WNT5A: variants seen among roughly 807,000 people sequenced by gnomAD.
WNT5A encodes the protein protein Wnt-5a.
In WNT5A, 9 loss-of-function variants were observed where a neutral mutation model predicts 42.1. That is an observed-to-expected ratio of 0.21 (90% CI 0.13 to 0.37). The LOEUF is 0.37. WNT5A is among the 10% of genes least tolerant of loss of function. The probability of loss-of-function intolerance (pLI) is 1.00; values close to 1 mark genes in which losing one functional copy is unlikely to be tolerated. For missense variants in WNT5A, 426 were observed against 534.0 expected, an observed-to-expected ratio of 0.80 and a Z score of 1.99; for synonymous variants, 210 against 210.0, an observed-to-expected ratio of 1.00 and a Z score of 0.00.
the WNT5A span, among the ~76,000 whole-genome samples, chr3:55,496,840 G>A: frequency 1.3e-5 from 2 of 152,220 alleles, no homozygotes; most frequent in Admixed American, 1.3e-4. Flanking sequence ...TAGAGAGTCA[G>A]TTTATTGGGA....
the WNT5A span, among the ~76,000 whole-genome samples, chr3:55,504,882 A>G: frequency 2.0e-5 from 3 of 152,246 alleles, no homozygotes; most frequent in Non-Finnish European, 4.4e-5. Flanking sequence ...TTCCAGGTCA[A>G]GAATCCCAAC....
rs374660823 is a variant in WNT5A at position 55,469,308 on chromosome 3, C to A, written c.*784G>T. The A allele has an allele frequency of 6.6e-5, 10 of 152,262 alleles. No individual in the cohort carries two copies. In the East Asian group the frequency reaches 1.7e-3, roughly 26 times the overall value. 9.4% of individuals were successfully genotyped at this position (152,262 alleles called of 1,614,324 possible). A position where few individuals can be genotyped will look rare whatever the true frequency, so the allele number is the denominator to read the frequency against. On this transcript the variant is annotated 3_prime_UTR_variant, in exon 5 of 5. Coordinates refer to ENST00000264634, the MANE Select transcript of WNT5A (RefSeq NM_003392.7). The stretch of plus-strand genomic sequence containing the variant: ...CTAGTGTCCAGAATCATTTGGGGAT[C>A]TTTTTACAATCTGGAATCCTAATTC...
rs999204820 is a variant in WNT5A at position 55,474,222 on chromosome 3, C to A, written c.684+115G>T. The A allele has an allele frequency of 3.8e-6, 5 of 1,309,962 alleles. No homozygotes were observed. In the African/African-American group the frequency reaches 4.4e-5, roughly 11 times the overall value. The allele number at this position is 1,309,962 out of a possible 1,614,324, so 81.1% of individuals were successfully genotyped here. ...AGAAGCAGAGAGATAGAGACAGGAC[C>A]ATATAGCAAAGGAGTGGCAGAGGAG... On this transcript the variant is annotated intron_variant, in intron 4 of 4. Transcript: ENST00000264634.
intron 1 of WNT5A, among the ~76,000 whole-genome samples, chr3:55,482,298 T>G (rs998480813): frequency 4.6e-5 from 7 of 152,124 alleles, no homozygotes; most frequent in African/African-American, 1.7e-4. Flanking sequence ...TGGTGACTTC[T>G]CCACCTGTAG....
At chr3:55,492,248 G>T (rs1162733024), upstream of WNT5A, among the ~76,000 whole-genome samples, 2 of 151,824 alleles carry the variant, frequency 1.3e-5, no homozygotes, top group African/African-American at 4.8e-5. Flanking sequence ...GGCACTAAAT[G>T]GATGCTTTAA....
the WNT5A span, among the ~76,000 whole-genome samples, chr3:55,497,857 G>T: frequency 6.6e-6 from 1 of 152,140 alleles, no homozygotes; most frequent in African/African-American, 2.4e-5. Flanking sequence ...TGGGAAGGAT[G>T]GAAGAAAAGG....
rs2051214465 is a variant in WNT5A, at chr3:55,469,977, G to C, written c.*115C>G. 3 of 1,273,148 alleles carry C rather than the reference G, an allele frequency of 2.4e-6. No individual in the cohort carries two copies. The highest frequency in any genetic ancestry group is 2.1e-5 in the Admixed American group (1 of 48,686). 78.9% of individuals were successfully genotyped at this position (1,273,148 alleles called of 1,614,324 possible). A position where few individuals can be genotyped will look rare whatever the true frequency, so the allele number is the denominator to read the frequency against. ...GGTAACAGGAAAAAAAATGGTTCCG[G>C]TTGCAATTCTTGGGGAAAAATAAAA... On this transcript the variant is annotated 3_prime_UTR_variant, in exon 5 of 5. Transcript: ENST00000264634.
At chr3:55,495,272 A>G (rs955747307), upstream of WNT5A, among the ~76,000 whole-genome samples, 1 of 152,206 alleles carries the variant, frequency 6.6e-6, no homozygotes, top group African/African-American at 2.4e-5. Flanking sequence ...ATATTATACA[A>G]TAGATCTTTT....
At chr3:55,474,207 A>C in intron 4 of WNT5A, 130 bp downstream of exon 4, 2 of 1,116,122 alleles carry the variant, frequency 1.8e-6, no homozygotes, top group Non-Finnish European at 2.6e-6. Context: ...AGAAGCAGAG[A>C]GATAGAGACA....
Position 55,470,248 on chromosome 3 carries a change from C to T in WNT5A, c.987G>A (p.Ser329=), listed in dbSNP as rs1270738539. 1.9e-6 allele frequency: 3 copies of T among 1,614,106 alleles called. No individual in the cohort carries two copies. Among genetic ancestry groups the T allele is most frequent in the East Asian group, 2.2e-5 (1 of 44,890 alleles). Residue 329 remains serine, a synonymous_variant, in exon 5 of 5, where the codon TCG becomes TCA. Coordinates refer to ENST00000264634, the MANE Select transcript of WNT5A (RefSeq NM_003392.7). The part of the protein sequence containing the change: ...GTQGRLCNKT[S]EGMDGCELMC... ...TGAGCTCGCAGCCATCCATGCCCTC[C>T]GACGTCTTGTTGCACAGGCGGCCCT...
rs2051213438 is a variant in WNT5A at position 55,469,930 on chromosome 3, A to T, written c.*162T>A. On this transcript the variant is annotated 3_prime_UTR_variant, in exon 5 of 5. Transcript: ENST00000264634. ...CCAAATAATAATTATAATATTAATAATAAACCACAGAGTTCTTAGATGGTA... is the reference window on the plus strand; with the variant it reads ...CCAAATAATAATTATAATATTAATATTAAACCACAGAGTTCTTAGATGGTA... 3.0e-6 allele frequency: 2 copies of T among 675,674 alleles called. No individual in the cohort carries two copies. Among genetic ancestry groups the T allele is most frequent in the Non-Finnish European group, 4.9e-6 (2 of 409,162 alleles). The allele number at this position is 675,674 out of a possible 1,614,324, so 41.9% of individuals were successfully genotyped here.
chr3:55,494,212 T>C (rs2051691441), upstream of WNT5A, among the ~76,000 whole-genome samples: 1 of 152,250 alleles, frequency 6.6e-6, no homozygotes, highest in Admixed American at 6.5e-5. Context: ...GTCAATATTA[T>C]ATGTCTAAAT....
chr3:55,478,714 A>G (rs1022814687), intron 3 of WNT5A, among the ~76,000 whole-genome samples: 2 of 152,158 alleles, frequency 1.3e-5, no homozygotes, highest in Admixed American at 6.5e-5. Context: ...CATCCCAAGC[A>G]TGTGCTTTTA....
chr3:55,501,201 C>T, the WNT5A span, among the ~76,000 whole-genome samples: 1 of 152,198 alleles, frequency 6.6e-6, no homozygotes. Flanking sequence ...CCACTATGTG[C>T]TAATATCCAG....
intron 3 of WNT5A, chr3:55,479,113 T>A (rs1481061829): frequency 4.4e-6 from 2 of 451,588 alleles, no homozygotes; most frequent in African/African-American, 2.0e-5. Flanking sequence ...GCCTCCTGAT[T>A]TGATTAAAAT....
chr3:55,497,099 T>C, the WNT5A span, among the ~76,000 whole-genome samples: 1 of 152,208 alleles, frequency 6.6e-6, no homozygotes. Flanking sequence ...TCCATTTTAA[T>C]CAACAGATAA....
upstream of WNT5A, among the ~76,000 whole-genome samples, chr3:55,492,897 C>A (rs1464359151): frequency 6.6e-6 from 1 of 152,176 alleles, no homozygotes; most frequent in African/African-American, 2.4e-5. Context: ...AGTTGCGAAT[C>A]CTGACACCTT....
the WNT5A span, among the ~76,000 whole-genome samples, chr3:55,504,053 C>T: frequency 6.6e-6 from 1 of 152,138 alleles, no homozygotes; most frequent in Admixed American, 6.5e-5. Context: ...AGGTGGATCA[C>T]TTGAGGTCAG....
chr3:55,490,008 G>A (rs1349159746), upstream of WNT5A: 2 of 152,306 alleles, frequency 1.3e-5, no homozygotes, highest in East Asian at 1.9e-4. Context: ...CCGCCCCGCG[G>A]GCAGGGATCT....
Sources: allele counts gnomAD v4.1 joint callset (sites outside exome capture counted in the v4.1 genomes callset), GRCh38; gene constraint gnomAD v4.1.1; transcripts MANE v1.5; gene names NCBI Gene and HGNC (gene_info 2026-07-23, HGNC 2026-07-21).